WDR17: variants seen among roughly 807,000 people sequenced by gnomAD.
The protein encoded by WDR17 is WD repeat domain 17.
In WDR17, 143 loss-of-function variants were observed where a neutral mutation model predicts 161.7. The ratio of observed to expected loss-of-function variants is 0.88; its 90% CI spans 0.77 to 1.02. WDR17 has a LOEUF of 1.02. Ranked by LOEUF, WDR17 falls within the 50% of genes least tolerant of loss-of-function variation. The pLI is 0.00. For missense variants in WDR17, 1,469 were observed against 1,520.9 expected, an observed-to-expected ratio of 0.97 and a Z score of 0.57; for synonymous variants, 517 against 515.6, an observed-to-expected ratio of 1.00 and a Z score of -0.04.
chr4:176,071,340 T>G (rs1733213767), intron 1 of WDR17, among the ~76,000 whole-genome samples: 1 of 151,578 alleles, frequency 6.6e-6, no homozygotes, highest in South Asian at 2.1e-4. Flanking sequence ...CTTTTTTTTT[T>G]GAGACAGAGT....
At position 176,069,277 on chromosome 4, in the gene WDR17, C is replaced by G. The variant is rs544587470; in HGVS notation, c.-7+3198C>G. On this transcript the variant is annotated intron_variant, in intron 1 of 28. Transcript: ENST00000508596. ...TTTATATATATATATTGATAAAAGT[C>G]TTACTTTTTATTATGTTAAATGTAC... 2.6e-5 allele frequency among the ~76,000 whole-genome samples: 4 copies of G among 151,858 alleles called. No individual in the cohort carries two copies. In the South Asian group the frequency reaches 8.3e-4, roughly 32 times the overall value.
intron 23 of WDR17, among the ~76,000 whole-genome samples, chr4:176,169,990 T>G (rs577062626): frequency 2.6e-5 from 4 of 152,310 alleles, no homozygotes; most frequent in Admixed American, 6.5e-5. Flanking sequence ...AGTTTTTTAA[T>G]TATACATTAA....
intron 1 of WDR17, among the ~76,000 whole-genome samples, chr4:176,096,756 A>C (rs373651016): frequency 3.3e-5 from 5 of 152,084 alleles, no homozygotes; most frequent in African/African-American, 1.2e-4. Context: ...AGAATATAAT[A>C]AGGGTAATTA....
Position 176,155,065 on chromosome 4 carries a change from T to A in WDR17, c.2461-1014T>A, listed in dbSNP as rs913968415. Among the ~76,000 whole-genome samples the A allele has an allele frequency of 2.6e-5, 4 of 152,072 alleles. No homozygotes were observed. In the East Asian group the frequency reaches 5.8e-4, roughly 22 times the overall value. ...TGAGTAGGAAAGGATAAAATAGAAA[T>A]AGATGGTATATTTGTTCATGTAAGT... On this transcript the variant is annotated intron_variant, in intron 17 of 28. Transcript: ENST00000508596.
chr4:176,137,960 T>G (rs1359607095), intron 9 of WDR17, among the ~76,000 whole-genome samples: 1 of 151,660 alleles, frequency 6.6e-6, no homozygotes, highest in Non-Finnish European at 1.5e-5. Flanking sequence ...AATCACTTTA[T>G]TGCCCTAAAC....
At chr4:176,081,125 A>G (rs1734697096) in intron 1 of WDR17, among the ~76,000 whole-genome samples, 1 of 152,038 alleles carries the variant, frequency 6.6e-6, no homozygotes. Flanking sequence ...CTACTTATAC[A>G]TGTTTTGCTA....
intron 1 of WDR17, among the ~76,000 whole-genome samples, chr4:176,073,170 T>G (rs777610701): frequency 1.1e-4 from 16 of 152,130 alleles, no homozygotes; most frequent in Admixed American, 1.0e-3. Flanking sequence ...TTGTTACATA[T>G]GTATACATGT....
chr4:176,116,628 C>T (rs1740690025), intron 3 of WDR17, among the ~76,000 whole-genome samples: 1 of 151,796 alleles, frequency 6.6e-6, no homozygotes, highest in Non-Finnish European at 1.5e-5. Context: ...TTGAAAGCTA[C>T]TGCTAGATAT....
chr4:176,168,018 G>T (rs576229728), intron 22 of WDR17, among the ~76,000 whole-genome samples: 15 of 151,634 alleles, frequency 9.9e-5, no homozygotes, highest in Non-Finnish European at 2.1e-4. Flanking sequence ...ATGGTGGCAC[G>T]TGCCTGTAAT....
At chr4:176,143,629 T>C (rs1198889073) in intron 11 of WDR17, among the ~76,000 whole-genome samples, 1 of 152,048 alleles carries the variant, frequency 6.6e-6, no homozygotes, top group African/African-American at 2.4e-5. Context: ...CAGTAAGCCA[T>C]GATTGTGCCA....
chr4:176,173,445 C>A, intron 25 of WDR17, 76 bp downstream of exon 25: 1 of 922,580 alleles, frequency 1.1e-6, no homozygotes, highest in African/African-American at 1.7e-5. Flanking sequence ...TTTTGGTATT[C>A]AGATCGGGAA....
chr4:176,130,243 T>C (rs933507648), intron 6 of WDR17, among the ~76,000 whole-genome samples: 1 of 152,126 alleles, frequency 6.6e-6, no homozygotes, highest in African/African-American at 2.4e-5. Flanking sequence ...ATAATGTCAA[T>C]TAAAGTGTTA....
At chr4:176,097,719 T>TTACACACACACACACACACACA (rs1737105661) in intron 1 of WDR17, among the ~76,000 whole-genome samples, 1 of 126,128 alleles carries the variant, frequency 7.9e-6, no homozygotes, top group Non-Finnish European at 1.7e-5. Context: ...CAAGCCCCAC[T>TTACACACACACACACACACACA]TACACACACA....
chr4:176,160,267 TC>T (rs2126846644), intron 19 of WDR17, 141 bp downstream of exon 19: 1 of 869,664 alleles, frequency 1.1e-6, no homozygotes, highest in Non-Finnish European at 1.7e-6. Flanking sequence ...TGGCCTTCTT[TC>T]TCAACATTTG....
intron 1 of WDR17, among the ~76,000 whole-genome samples, chr4:176,097,594 T>G (rs1244608185): frequency 2.0e-5 from 3 of 151,936 alleles, no homozygotes; most frequent in Non-Finnish European, 4.4e-5. Context: ...TTGTAAATCC[T>G]AAAGCATTCT....
intron 21 of WDR17, among the ~76,000 whole-genome samples, chr4:176,162,834 T>C (rs1024480672): frequency 1.3e-5 from 2 of 152,154 alleles, no homozygotes; most frequent in African/African-American, 4.8e-5. Flanking sequence ...AAATTTACAT[T>C]TTTTTCTGAT....
intron 3 of WDR17, among the ~76,000 whole-genome samples, chr4:176,116,503 G>A (rs1007699839): frequency 7.3e-5 from 11 of 151,712 alleles, no homozygotes; most frequent in African/African-American, 2.2e-4. Context: ...TTGGGAACTC[G>A]CATTTAATCT....
intron 20 of WDR17, 152 bp downstream of exon 20, chr4:176,161,154 T>C (rs1031180615): frequency 8.8e-5 from 45 of 512,312 alleles, no homozygotes; most frequent in Non-Finnish European, 1.3e-4. Flanking sequence ...ATACAGCATT[T>C]ACTCCTAGAT....
At position 176,172,592 on chromosome 4, in the gene WDR17, T is replaced by C. The variant is rs1049263437; in HGVS notation, c.3244+76T>C. The C allele has an allele frequency of 2.3e-6, 3 of 1,307,970 alleles. No homozygotes were observed. In the African/African-American group the frequency reaches 4.5e-5, roughly 20 times the overall value. 81.0% of individuals were successfully genotyped at this position (1,307,970 alleles called of 1,614,324 possible). On this transcript the variant is annotated intron_variant, in intron 24 of 28. Coordinates refer to ENST00000508596, the MANE Select transcript of WDR17 (RefSeq NM_181265.4). ...GTTGTTTTCATACTGATGATTGTTT[T>C]AATTCATTTTTGCATTGCTATAAAG...
Sources: allele counts gnomAD v4.1 joint callset (sites outside exome capture counted in the v4.1 genomes callset), GRCh38; gene constraint gnomAD v4.1.1; transcripts MANE v1.5; gene names NCBI Gene and HGNC (gene_info 2026-07-23, HGNC 2026-07-21).